PPP1R9A: variants seen among roughly 807,000 people sequenced by gnomAD.
PPP1R9A encodes the protein protein phosphatase 1 regulatory subunit 9A.
In PPP1R9A, 59 loss-of-function variants were observed where a neutral mutation model predicts 141.9. The ratio of observed to expected loss-of-function variants is 0.42; its 90% CI spans 0.34 to 0.52. The LOEUF (loss-of-function observed/expected upper bound fraction) is 0.52, where lower values mean the gene tolerates loss of function less well. PPP1R9A is among the 20% of genes least tolerant of loss of function. The probability of loss-of-function intolerance (pLI) is 0.10; values close to 1 mark genes in which losing one functional copy is unlikely to be tolerated. For synonymous variants in PPP1R9A, 500 were observed against 569.7 expected (o/e 0.88, Z 1.74); for missense variants, 1,444 against 1,611.9 (o/e 0.90, Z 1.78).
rs769447172 is a variant in PPP1R9A at position 94,910,973 on chromosome 7, C to T, written c.860C>T (p.Thr287Ile). 6.8e-6 allele frequency: 11 copies of T among 1,614,020 alleles called. No homozygotes were observed. Among genetic ancestry groups the T allele is most frequent in the East Asian group, 2.2e-5 (1 of 44,890 alleles). The change falls in exon 2 of 20, where the codon ACC becomes ATC. Residue 287 changes from threonine to isoleucine, a missense_variant. Transcript: ENST00000433360. This position sits in a 1 kb window ranked among gnomAD's most constrained non-coding sequence, Gnocchi z 4.5. ...GTACCAGAAGTGGCTTCTAAAAGTACCTCTCTAGCTTCGATACCTGGTGAA... is the reference window on the plus strand; with the variant it reads ...GTACCAGAAGTGGCTTCTAAAAGTATCTCTCTAGCTTCGATACCTGGTGAA... ...TPVPEVASKS[T>I]SLASIPGEEI...
rs146503139 is a variant in PPP1R9A at position 94,947,274 on chromosome 7, G to A, written c.1395+35766G>A. On this transcript the variant is annotated intron_variant, in intron 2 of 19. Coordinates refer to ENST00000433360, the MANE Select transcript of PPP1R9A (RefSeq NM_001166160.2). Reference sequence around the variant, plus strand: ...TCAGTGCTGGACACTCCTTTATCAAGCTCCAGAATTGCTGCCTCTGGAAAC... The same window carrying A: ...TCAGTGCTGGACACTCCTTTATCAAACTCCAGAATTGCTGCCTCTGGAAAC... Among the ~76,000 whole-genome samples, 122 of 152,218 alleles carry A rather than the reference G, an allele frequency of 8.0e-4. 1 individual carries two copies. Among genetic ancestry groups the A allele is most frequent in the Middle Eastern group, 3.4e-3 (1 of 294 alleles).
intron 4 of PPP1R9A, among the ~76,000 whole-genome samples, chr7:95,122,077 C>A (rs185623941): frequency 4.3e-4 from 65 of 151,402 alleles, no homozygotes; most frequent in Non-Finnish European, 7.4e-5. Flanking sequence ...TATCATTTGA[C>A]CATCTTATCA....
chr7:94,909,846 CAT>C (rs1382885819), intron 1 of PPP1R9A, 50 bp from the exon 2 acceptor site: 3 of 289,282 alleles, frequency 1.0e-5, no homozygotes, highest in Middle Eastern at 2.1e-3. Flanking sequence ...TTTGACTAGA[CAT>C]AAATTCAAAT....
intron 5 of PPP1R9A, 40 bp from the exon 6 acceptor site, chr7:95,198,309 G>A (rs1454694299): frequency 2.0e-6 from 3 of 1,534,394 alleles, no homozygotes; most frequent in East Asian, 4.6e-5. Flanking sequence ...CCTTTTTGTT[G>A]GAGAGTCTTA....
At chr7:95,252,405 A>G (rs1380032532) in intron 12 of PPP1R9A, among the ~76,000 whole-genome samples, 2 of 151,942 alleles carry the variant, frequency 1.3e-5, no homozygotes, top group African/African-American at 4.8e-5. Flanking sequence ...CTGCCTTACA[A>G]ATTGTAGTTC....
At chr7:94,980,640 C>T (rs1409607325) in intron 2 of PPP1R9A, among the ~76,000 whole-genome samples, 1 of 149,858 alleles carries the variant, frequency 6.7e-6, no homozygotes, top group African/African-American at 2.5e-5. Flanking sequence ...TGGACATGAG[C>T]TAAATTGATT....
In PPP1R9A at chr7:95,251,846, C is replaced by T. The variant is rs1262396472; in HGVS notation, c.2481C>T (p.Gly827=). The change falls in exon 11 of 20, where the codon GGC becomes GGT. Residue 827 remains glycine, a synonymous_variant. Transcript: ENST00000433360. ...LEKAHLVEVQ[G]LQVRIRDLEA... ...AAGCTCATCTTGTGGAAGTGCAAGG[C>T]CTCCAAGTGCGGGTAAGTTGTGTTC... The T allele has an allele frequency of 6.2e-7, 1 of 1,613,620 alleles. No individual in the cohort carries two copies. Among genetic ancestry groups the T allele is most frequent in the African/African-American group, 1.3e-5 (1 of 74,856 alleles).
intron 4 of PPP1R9A, among the ~76,000 whole-genome samples, chr7:95,149,268 A>G (rs944352434): frequency 1.3e-5 from 2 of 152,160 alleles, no homozygotes; most frequent in Non-Finnish European, 2.9e-5. Flanking sequence ...AAATACCTAC[A>G]AAACACCTAG....
chr7:94,932,244 G>T (rs557039765), intron 2 of PPP1R9A, among the ~76,000 whole-genome samples: 1 of 152,094 alleles, frequency 6.6e-6, no homozygotes, highest in Non-Finnish European at 1.5e-5. Context: ...CAGCCAAAAG[G>T]CTTTTGTGTC....
rs1178608529 is a variant in PPP1R9A at position 95,292,450 on chromosome 7, A to G, written c.*2147A>G. ...AATAGAAGGATGATTATCTTAAGTT[A>G]TGTTTACACTTTGGTAATATTTGAA... On this transcript the variant is annotated 3_prime_UTR_variant, in exon 20 of 20. Transcript: ENST00000433360. 1 of 152,576 alleles carries G rather than the reference A, an allele frequency of 6.6e-6. No homozygotes were observed. The highest frequency in any genetic ancestry group is 2.4e-5 in the African/African-American group (1 of 41,438). 9.5% of individuals were successfully genotyped at this position (152,576 alleles called of 1,614,324 possible).
At chr7:95,122,202 A>G (rs1336856835) in intron 4 of PPP1R9A, among the ~76,000 whole-genome samples, 1 of 142,212 alleles carries the variant, frequency 7.0e-6, no homozygotes, top group Admixed American at 6.8e-5. Flanking sequence ...GCTGGAGTAC[A>G]GTGGCATGAT....
chr7:95,029,812 T>C (rs549149157), intron 2 of PPP1R9A, among the ~76,000 whole-genome samples: 1 of 152,352 alleles, frequency 6.6e-6, no homozygotes, highest in East Asian at 1.9e-4. Flanking sequence ...TGATTTCATA[T>C]TTCTGATGCA....
At chr7:95,113,284 A>C (rs1428403224) in intron 3 of PPP1R9A, among the ~76,000 whole-genome samples, 2 of 152,132 alleles carry the variant, frequency 1.3e-5, no homozygotes, top group Non-Finnish European at 2.9e-5. Flanking sequence ...AAGAGTCCCA[A>C]TATATAAGTT....
intron 2 of PPP1R9A, among the ~76,000 whole-genome samples, chr7:95,097,271 C>T (rs966989536): frequency 2.6e-5 from 4 of 152,090 alleles, no homozygotes; most frequent in African/African-American, 4.8e-5. Flanking sequence ...GGTGATGCGC[C>T]CACCTTGGCC....
At chr7:94,989,780 T>A (rs181930879) in intron 2 of PPP1R9A, among the ~76,000 whole-genome samples, 1 of 152,250 alleles carries the variant, frequency 6.6e-6, no homozygotes, top group Admixed American at 6.5e-5. Context: ...ACTTATTTCT[T>A]ATACAGATTA....
intron 2 of PPP1R9A, among the ~76,000 whole-genome samples, chr7:94,988,955 AC>A (rs896155516): frequency 6.6e-6 from 1 of 151,992 alleles, no homozygotes; most frequent in Non-Finnish European, 1.5e-5. Flanking sequence ...AATTTGGTGA[AC>A]CCTTTGACTT....
At chr7:94,981,350 C>T (rs1229152940) in intron 2 of PPP1R9A, among the ~76,000 whole-genome samples, 1 of 152,200 alleles carries the variant, frequency 6.6e-6, no homozygotes, top group African/African-American at 2.4e-5. Flanking sequence ...AGCAATTCTC[C>T]TGCCTCAGCC....
chr7:95,013,474 A>G (rs1043940252), intron 2 of PPP1R9A, among the ~76,000 whole-genome samples: 2 of 152,106 alleles, frequency 1.3e-5, no homozygotes, highest in East Asian at 1.9e-4. Flanking sequence ...GTCTAGTACT[A>G]GCAAACAGAG....
chr7:95,148,367 A>C (rs726885), intron 4 of PPP1R9A, among the ~76,000 whole-genome samples: 138,769 of 152,082 alleles, frequency 0.91, 63,580 homozygotes, highest in East Asian at 1. Context: ...TGAGAGAGAA[A>C]AATTCACTGT....
Sources: allele counts gnomAD v4.1 joint callset (sites outside exome capture counted in the v4.1 genomes callset), GRCh38; gene constraint gnomAD v4.1.1; non-coding constraint Gnocchi (gnomAD v3.1); transcripts MANE v1.5; gene names NCBI Gene and HGNC (gene_info 2026-07-23, HGNC 2026-07-21).